GABRA4: variants seen among roughly 807,000 people sequenced by gnomAD.
The protein encoded by GABRA4 is gamma-aminobutyric acid receptor subunit alpha-4.
GABRA4 carries 12 observed loss-of-function variants against 49.7 expected under a neutral mutation model. That is an observed-to-expected ratio of 0.24 (90% confidence interval 0.15 to 0.39). GABRA4 has a LOEUF of 0.39. GABRA4 is among the 10% of genes least tolerant of loss of function. GABRA4 has a pLI of 1.00. For synonymous variants in GABRA4, 288 were observed against 240.2 expected (o/e 1.20, Z -1.84); for missense variants, 506 against 686.0 (o/e 0.74, Z 2.93).
chr4:46,978,877 C>A (rs1276548431), intron 3 of GABRA4, among the ~76,000 whole-genome samples, 154 bp downstream of exon 3: 3 of 152,006 alleles, frequency 2.0e-5, no homozygotes, highest in South Asian at 4.2e-4. Flanking sequence ...GAATGAGATT[C>A]AATGTCTTAC....
chr4:46,971,588 A>G (rs1020385774), intron 6 of GABRA4, among the ~76,000 whole-genome samples: 2 of 151,396 alleles, frequency 1.3e-5, no homozygotes, highest in Non-Finnish European at 3.0e-5. Context: ...CCTATCTTCT[A>G]TGAAAAACCA....
At chr4:46,978,890 T>G (rs1275979759) in intron 3 of GABRA4, 141 bp downstream of exon 3, 16 of 675,420 alleles carry the variant, frequency 2.4e-5, no homozygotes, top group South Asian at 2.3e-4. Context: ...TGTCTTACTC[T>G]TCATACATTC....
At chr4:46,945,261 T>C (rs997195692) in intron 8 of GABRA4, among the ~76,000 whole-genome samples, 11 of 152,112 alleles carry the variant, frequency 7.2e-5, no homozygotes, top group African/African-American at 2.7e-4. Flanking sequence ...GTCTCATACA[T>C]CTGCCTGTTG....
At chr4:46,968,530 A>C (rs1421605518) in intron 7 of GABRA4, among the ~76,000 whole-genome samples, 1 of 151,616 alleles carries the variant, frequency 6.6e-6, no homozygotes, top group Non-Finnish European at 1.5e-5. Flanking sequence ...TGGGTCCACC[A>C]ATTACAATTT....
chr4:46,976,739 A>G (rs1723152372), intron 5 of GABRA4, among the ~76,000 whole-genome samples: 1 of 151,600 alleles, frequency 6.6e-6, no homozygotes, highest in Non-Finnish European at 1.5e-5. Flanking sequence ...ATATTTATCT[A>G]TATAATTTGT....
intron 2 of GABRA4, among the ~76,000 whole-genome samples, chr4:46,980,373 C>A (rs1178935332): frequency 4.4e-3 from 556 of 126,790 alleles, no homozygotes; most frequent in Admixed American, 4.6e-3. Flanking sequence ...CGATTTATGC[C>A]AAAAAAAAAA....
At chr4:46,967,744 T>G (rs1722814699) in intron 7 of GABRA4, among the ~76,000 whole-genome samples, 1 of 151,676 alleles carries the variant, frequency 6.6e-6, no homozygotes, top group Non-Finnish European at 1.5e-5. Flanking sequence ...ATATATCCAA[T>G]TATTGATGCC....
intron 8 of GABRA4, among the ~76,000 whole-genome samples, chr4:46,953,362 C>T (rs1439862033): frequency 2.0e-5 from 3 of 152,030 alleles, no homozygotes; most frequent in African/African-American, 7.2e-5. Context: ...TACTCTGTCT[C>T]CTGATGTAGT....
intron 8 of GABRA4, among the ~76,000 whole-genome samples, chr4:46,963,565 A>G (rs1722651735): frequency 1.3e-5 from 2 of 151,832 alleles, no homozygotes; most frequent in African/African-American, 2.4e-5. Context: ...CTCCCCAGCC[A>G]TATGAGACTG....
In GABRA4 at chr4:46,974,371, G is replaced by A. The variant is rs1336198147; in HGVS notation, c.582C>T (p.Ala194=). ...TATAGATCATCTCACTCTTTGGATA[G>A]GCATCTAAAAGAGAGCACAGAATGT... ...HACPLKFGSY[A]YPKSEMIYTW... is the part of the protein sequence containing the mutation. Residue 194 remains alanine (A), a synonymous_variant, in exon 6 of 9, where the codon GCC becomes GCT. Transcript: ENST00000264318. 4 of 1,608,932 alleles carry A rather than the reference G, an allele frequency of 2.5e-6. No individual in the cohort carries two copies. Among genetic ancestry groups the A allele is most frequent in the East Asian group, 2.2e-5 (1 of 44,672 alleles).
chr4:46,977,661 T>C (rs1723194284), intron 3 of GABRA4, 31 bp from the exon 4 acceptor site: 2 of 1,486,102 alleles, frequency 1.3e-6, no homozygotes, highest in South Asian at 1.2e-5. Flanking sequence ...CATATTTAAG[T>C]TGCAAATGAC....
intron 8 of GABRA4, among the ~76,000 whole-genome samples, chr4:46,941,352 G>T (rs1025410919): frequency 6.6e-6 from 1 of 152,022 alleles, no homozygotes. Context: ...ATACTAGCTT[G>T]ATAACCTTGG....
At position 46,933,552 on chromosome 4, in the gene GABRA4, T is replaced by C. The variant is rs574134143; in HGVS notation, c.1135-4797A>G. 3.0e-4 allele frequency among the ~76,000 whole-genome samples: 45 copies of C among 152,272 alleles called. No homozygotes were observed. In the South Asian group the frequency reaches 9.1e-3, roughly 31 times the overall value. The stretch of plus-strand genomic sequence containing the variant: ...GCAGTTAAATGACACTCAAGTTATT[T>C]TTGCAGTTATGTCTCAAGTTTTACT... On this transcript the variant is annotated intron_variant, in intron 8 of 8. Transcript: ENST00000264318.
chr4:46,935,343 T>C (rs1721569747), intron 8 of GABRA4, among the ~76,000 whole-genome samples: 2 of 152,180 alleles, frequency 1.3e-5, no homozygotes, highest in Non-Finnish European at 2.9e-5. Context: ...TTCCTCCTAA[T>C]AAATATATAA....
chr4:46,983,502 T>C (rs752684184), intron 2 of GABRA4, among the ~76,000 whole-genome samples: 1 of 152,054 alleles, frequency 6.6e-6, no homozygotes, highest in Non-Finnish European at 1.5e-5. Flanking sequence ...TAAAAACCCA[T>C]CAAAAGGAAA....
At chr4:46,960,394 G>T (rs565068794) in intron 8 of GABRA4, among the ~76,000 whole-genome samples, 30 of 151,708 alleles carry the variant, frequency 2.0e-4, no homozygotes, top group Middle Eastern at 7.4e-3. Flanking sequence ...AAGGTTATAT[G>T]TTAAACAGCT....
At chr4:46,935,921 T>C (rs1000946814) in intron 8 of GABRA4, among the ~76,000 whole-genome samples, 1 of 151,950 alleles carries the variant, frequency 6.6e-6, no homozygotes, top group Non-Finnish European at 1.5e-5. Context: ...CAAAATGCAA[T>C]AGAAAAATCA....
At chr4:46,958,491 T>A (rs1199285380) in intron 8 of GABRA4, among the ~76,000 whole-genome samples, 1 of 151,924 alleles carries the variant, frequency 6.6e-6, no homozygotes, top group Non-Finnish European at 1.5e-5. Context: ...TTTCTAATTA[T>A]TCTATTAATC....
At chr4:46,952,131 A>G (rs941705298) in intron 8 of GABRA4, among the ~76,000 whole-genome samples, 1 of 152,108 alleles carries the variant, frequency 6.6e-6, no homozygotes, top group African/African-American at 2.4e-5. Flanking sequence ...GAGTATAAAG[A>G]AATCTCCATA....
Sources: gnomAD v4.1 joint callset for allele counts (sites outside exome capture counted in the v4.1 genomes callset) on GRCh38, gnomAD v4.1.1 for gene constraint, MANE v1.5 for transcripts, NCBI Gene and HGNC (gene_info 2026-07-23, HGNC 2026-07-21) for gene names.